Variants in SNAPC3 observed in about 807,000 individuals in gnomAD.
SNAPC3 encodes the protein snRNA-activating protein complex subunit 3.
In SNAPC3, 56 loss-of-function variants were observed where a neutral mutation model predicts 47.7. The observed-to-expected ratio is 1.18, with a 90% confidence interval of 0.95 to 1.47. The LOEUF (loss-of-function observed/expected upper bound fraction) is 1.47, where lower values mean the gene tolerates loss of function less well. Among genes scored for constraint, SNAPC3 ranks in the 40% most tolerant of loss-of-function variants. The pLI is 0.00. For missense variants in SNAPC3, 665 were observed against 511.3 expected, an observed-to-expected ratio of 1.30 and a Z score of -2.90; for synonymous variants, 235 against 189.9, an observed-to-expected ratio of 1.24 and a Z score of -1.95.
chr9:15,429,757 G>T (rs188659725), intron 2 of SNAPC3, among the ~76,000 whole-genome samples: 26 of 152,246 alleles, frequency 1.7e-4, no homozygotes, highest in Middle Eastern at 3.4e-3. Flanking sequence ...TATTGTGATA[G>T]AGTTGAGACC....
At chr9:15,449,380 C>T (rs2034188778) in intron 5 of SNAPC3, among the ~76,000 whole-genome samples, 3 of 151,866 alleles carry the variant, frequency 2.0e-5, no homozygotes, top group Non-Finnish European at 4.4e-5. Context: ...TGTTGCCCAG[C>T]AGAAGGTTTT....
intron 3 of SNAPC3, among the ~76,000 whole-genome samples, chr9:15,439,147 C>T (rs2033095400): frequency 6.6e-6 from 1 of 152,108 alleles, no homozygotes; most frequent in South Asian, 2.1e-4. Context: ...GTAGACAGGA[C>T]TGTAAACTTG....
intron 2 of SNAPC3, among the ~76,000 whole-genome samples, chr9:15,428,660 G>GA (rs2031765105): frequency 1.3e-5 from 2 of 151,878 alleles, no homozygotes; most frequent in Non-Finnish European, 2.9e-5. Flanking sequence ...AAGGAGAAAT[G>GA]AAAAAAGAGT....
chr9:15,452,984 C>A lies in SNAPC3; in HGVS notation c.816-57C>A, dbSNP rs568919388. 5 of 1,404,686 alleles carry A rather than the reference C, an allele frequency of 3.6e-6. No individual in the cohort carries two copies. The South Asian group carries it at 6.8e-5, about 19-fold the overall frequency. The allele number at this position is 1,404,686 out of a possible 1,614,324, so 87.0% of individuals were successfully genotyped here. On this transcript the variant is annotated intron_variant, in intron 6 of 8. Coordinates refer to ENST00000380821, the MANE Select transcript of SNAPC3 (RefSeq NM_001039697.2). ...AATTACTGCAATCACAAACTGTTTT[C>A]TGTAGTTTTTAAGTTTTTGTGGAAA...
rs532833654 is a variant in SNAPC3 at position 15,443,047 on chromosome 9, C to T, written c.478-1555C>T. ...CCAGTCAGGCGTGGCGGCGCGCACC[C>T]GCAATCCCAGGCACTCGGCAGGCTG... is the stretch of plus-strand genomic sequence containing the variant. On this transcript the variant is annotated intron_variant, in intron 3 of 8. Transcript: ENST00000380821. Among the ~76,000 whole-genome samples, 12 of 152,170 alleles carry T rather than the reference C, an allele frequency of 7.9e-5. No individual in the cohort carries two copies. In the South Asian group the frequency reaches 1.5e-3, roughly 18 times the overall value.
chr9:15,459,319 T>A (rs1001463144), intron 8 of SNAPC3, among the ~76,000 whole-genome samples: 6 of 152,222 alleles, frequency 3.9e-5, no homozygotes, highest in Non-Finnish European at 7.4e-5. Flanking sequence ...GAAGGTATAT[T>A]AAGCAAAAGT....
At position 15,447,250 on chromosome 9, in the gene SNAPC3, G is replaced by C. The variant is rs1387858687; in HGVS notation, c.732+6G>C. ...CCCCTGAGCACATCAGCAAAGTAAG[G>C]TGATTTCCTCCCATAAAACAAAAGG... On this transcript the variant is annotated splice_donor_region_variant and intron_variant, in intron 5 of 8. Coordinates refer to ENST00000380821, the MANE Select transcript of SNAPC3 (RefSeq NM_001039697.2). 2 of 1,613,490 alleles carry C rather than the reference G, an allele frequency of 1.2e-6. No individual in the cohort carries two copies. Among genetic ancestry groups the C allele is most frequent in the South Asian group, 1.1e-5 (1 of 91,016 alleles).
At chr9:15,442,794 C>G (rs544144857) in intron 3 of SNAPC3, among the ~76,000 whole-genome samples, 5 of 152,176 alleles carry the variant, frequency 3.3e-5, no homozygotes, top group African/African-American at 1.2e-4. Context: ...GCTGCAATCT[C>G]GGCACTTTGG....
Position 15,442,098 on chromosome 9 carries a change from G to GCCGGGCGGGGGCTGCCCC in SNAPC3, c.478-2502_478-2501insGGGCGGGGGCTGCCCCCC, listed in dbSNP as rs1587289080. On this transcript the variant is annotated intron_variant, in intron 3 of 8. Coordinates refer to ENST00000380821, the MANE Select transcript of SNAPC3 (RefSeq NM_001039697.2). ...ACCTCCCTCCCGGACGGGGCGGCTG[G>GCCGGGCGGGGGCTGCCCC]CCAGGCGGGGGCTGCCCCCCACCTC... is the stretch of plus-strand genomic sequence containing the variant. Among the ~76,000 whole-genome samples the GCCGGGCGGGGGCTGCCCC allele has an allele frequency of 3.3e-5, 5 of 149,828 alleles. 1 individual carries two copies. In the South Asian group the frequency reaches 6.3e-4, roughly 19 times the overall value.
chr9:15,424,128 A>G, intron 2 of SNAPC3, 142 bp downstream of exon 2: 1 of 444,274 alleles, frequency 2.3e-6, no homozygotes, highest in Non-Finnish European at 4.0e-6. Flanking sequence ...GACCATATTT[A>G]CTTTAGCCGT....
chr9:15,444,561 G>A, intron 3 of SNAPC3, 41 bp from the exon 4 acceptor site: 1 of 1,266,570 alleles, frequency 7.9e-7, no homozygotes, highest in Non-Finnish European at 1.2e-6. Context: ...TCTTATCTGA[G>A]TTATAGTATC....
At chr9:15,433,977 C>G (rs2032490847) in intron 3 of SNAPC3, among the ~76,000 whole-genome samples, 1 of 152,180 alleles carries the variant, frequency 6.6e-6, no homozygotes, top group Non-Finnish European at 1.5e-5. Flanking sequence ...CATCTATTAT[C>G]TCTTGTGTAA....
Position 15,453,030 on chromosome 9 carries a change from T to TC in SNAPC3, c.816-5dup, listed in dbSNP as rs774154578. The TC allele has an allele frequency of 1.1e-4, 183 of 1,597,134 alleles. No individual in the cohort carries two copies. The highest frequency in any genetic ancestry group is 1.4e-4 in the Non-Finnish European group (164 of 1,173,774). On this transcript the variant is annotated splice_polypyrimidine_tract_variant and intron_variant, in intron 6 of 8. Transcript: ENST00000380821. ...GGAAAAATGATATATCCTTGCCTTT[T>TC]CCCCCCTCAGAACTATCATTGAGTG...
chr9:15,465,487 C>T (rs768978089), downstream of SNAPC3: 1 of 1,482,040 alleles, frequency 6.7e-7, no homozygotes, highest in East Asian at 2.3e-5. Flanking sequence ...TTACAAACTT[C>T]TCAAGTGTTC....
downstream of SNAPC3, chr9:15,466,604 T>A (rs2035643418): frequency 3.3e-6 from 2 of 610,950 alleles, no homozygotes; most frequent in Admixed American, 7.9e-5. Context: ...TCTTCCTTTT[T>A]GAATTGTAAC....
At chr9:15,423,867 G>T in intron 1 of SNAPC3, 42 bp from the exon 2 acceptor site, 4 of 1,160,468 alleles carry the variant, frequency 3.4e-6, no homozygotes, top group Non-Finnish European at 3.7e-6. Context: ...TGAACCAGAT[G>T]CAGAGTCGAC....
chr9:15,444,745 A>T, intron 4 of SNAPC3, 39 bp downstream of exon 4: 1 of 1,070,718 alleles, frequency 9.3e-7, no homozygotes, highest in Non-Finnish European at 1.4e-6. Context: ...GGATAATAGT[A>T]ACTTTTGTAA....
chr9:15,459,033 T>G (rs1204521916), intron 8 of SNAPC3, among the ~76,000 whole-genome samples: 1 of 152,210 alleles, frequency 6.6e-6, no homozygotes, highest in African/African-American at 2.4e-5. Context: ...TCAACTTGTA[T>G]CTTCAGTTTG....
At chr9:15,453,278 T>A in intron 7 of SNAPC3, 73 bp downstream of exon 7, 1 of 1,247,516 alleles carries the variant, frequency 8.0e-7, no homozygotes, top group Non-Finnish European at 1.1e-6. Flanking sequence ...CAGAGATAGT[T>A]TTTTTAAAAA....
Sources: gnomAD v4.1 joint callset for allele counts (sites outside exome capture counted in the v4.1 genomes callset) on GRCh38, gnomAD v4.1.1 for gene constraint, MANE v1.5 for transcripts, NCBI Gene and HGNC (gene_info 2026-07-23, HGNC 2026-07-21) for gene names.